Variants in ADGRF1 observed in about 807,000 individuals in gnomAD.
The protein encoded by ADGRF1 is adhesion G protein-coupled receptor F1, also known as G protein-coupled receptor 110.
ADGRF1 carries 85 observed loss-of-function variants against 87.2 expected under a neutral mutation model. The observed-to-expected ratio is 0.97, with a 90% confidence interval of 0.82 to 1.17. The LOEUF is 1.17. Among genes scored for constraint, ADGRF1 ranks in the 50% most tolerant of loss-of-function variants. The pLI, the probability that ADGRF1 is intolerant of heterozygous loss-of-function variation, is 0.00. For missense variants in ADGRF1, 1,169 were observed against 1,077.2 expected, an observed-to-expected ratio of 1.09 and a Z score of -1.19; for synonymous variants, 430 against 408.8, an observed-to-expected ratio of 1.05 and a Z score of -0.63.
chr6:47,018,006 G>A (rs1486959756), intron 7 of ADGRF1: 1 of 174,998 alleles, frequency 5.7e-6, no homozygotes, highest in Non-Finnish European at 1.2e-5. Context: ...TCTGCAAGTG[G>A]AAGGACAGCA....
chr6:47,019,850 T>A, intron 7 of ADGRF1: 1 of 984,948 alleles, frequency 1.0e-6, no homozygotes, highest in South Asian at 4.7e-5. Flanking sequence ...CATGGCTAAC[T>A]AAACAACTTT....
intron 9 of ADGRF1, 51 bp downstream of exon 9, chr6:47,014,629 GC>G (rs1243952170): frequency 3.8e-6 from 6 of 1,586,810 alleles, no homozygotes; most frequent in African/African-American, 2.7e-5. Flanking sequence ...CTGGGATATT[GC>G]CACTCTGAAA....
chr6:47,005,717 G>A (rs974894715), intron 13 of ADGRF1, 100 bp downstream of exon 13: 1 of 709,908 alleles, frequency 1.4e-6, no homozygotes, highest in Non-Finnish European at 2.4e-6. Context: ...AGAAATTCAA[G>A]GGGTTTACAC....
chr6:47,020,111 A>G, intron 7 of ADGRF1: 1 of 1,031,900 alleles, frequency 9.7e-7, no homozygotes, highest in Non-Finnish European at 1.2e-6. Flanking sequence ...TGTCACCATG[A>G]TCTCCTGCCT....
chr6:47,022,048 G>A lies in ADGRF1; in HGVS notation c.462C>T (p.Gly154=), dbSNP rs949986555. 3 of 1,555,810 alleles carry A rather than the reference G, an allele frequency of 1.9e-6. No homozygotes were observed. The highest frequency in any genetic ancestry group is 2.1e-5 in the Admixed American group (1 of 48,606). The change falls in exon 6 of 15, where the codon GGC becomes GGT. Residue 154 remains glycine, a synonymous_variant. Transcript: ENST00000371253. ...VNFCERTKIW[G]TFKINERFTN... is the part of the protein sequence containing the mutation. ...TAAACCTTTCATTAATTTTGAAAGT[G>A]CCCCAAATCTCTGTAGGAAATAAAA...
chr6:47,013,298 A>G (rs1478660842), intron 9 of ADGRF1: 2 of 985,386 alleles, frequency 2.0e-6, no homozygotes, highest in Non-Finnish European at 2.4e-6. Context: ...ACTATTGCTC[A>G]TGTCCAGAAT....
chr6:47,025,786 C>A, intron 4 of ADGRF1, 68 bp downstream of exon 4: 1 of 1,389,350 alleles, frequency 7.2e-7, no homozygotes, highest in South Asian at 1.5e-5. Context: ...CACAGCATAA[C>A]CCAACCTAGC....
intron 13 of ADGRF1, 197 bp from the exon 14 acceptor site, chr6:47,001,764 T>A: frequency 2.0e-6 from 1 of 502,014 alleles, no homozygotes; most frequent in South Asian, 2.4e-5. Context: ...AAAAATTTAT[T>A]TTCAAGTGAA....
intron 4 of ADGRF1, 92 bp downstream of exon 4, chr6:47,025,762 G>A: frequency 9.2e-7 from 1 of 1,092,798 alleles, no homozygotes; most frequent in South Asian, 1.7e-5. Flanking sequence ...AGAGATTGTA[G>A]GGATGATTGT....
intron 9 of ADGRF1, chr6:47,013,179 G>A (rs765972275): frequency 2.1e-4 from 205 of 985,338 alleles, no homozygotes; most frequent in Non-Finnish European, 2.4e-4. Flanking sequence ...TCAACATTAA[G>A]TCCACTCAGG....
In ADGRF1 at chr6:47,012,009, C is replaced by T; in HGVS notation, c.1114G>A (p.Glu372Lys). ...SHFRVSNSTM[E>K]DVISIADNIL... ...CTTCAAGCACAGGCAGACCATACCT[C>T]CATTGTTGAATTGGACACCCTGAAA... Residue 372 changes from glutamate (E) to lysine (K), a missense_variant and splice_region_variant, in exon 10 of 15, where the codon GAG becomes AAG. Glu to Lys is a moderately conservative substitution (Grantham distance 56). Coordinates refer to ENST00000371253, the MANE Select transcript of ADGRF1 (RefSeq NM_153840.4). 6.2e-7 allele frequency: 1 copy of T among 1,613,040 alleles called. No homozygotes were observed. Among genetic ancestry groups the T allele is most frequent in the Non-Finnish European group, 8.5e-7 (1 of 1,179,184 alleles).
chr6:47,008,803 A>T, intron 11 of ADGRF1, 142 bp downstream of exon 11: 4 of 700,382 alleles, frequency 5.7e-6, no homozygotes, highest in Non-Finnish European at 7.1e-6. Context: ...ATTTTTTTCT[A>T]TTTATTGTTT....
intron 9 of ADGRF1, chr6:47,013,533 T>G (rs1240397675): frequency 1.0e-6 from 1 of 985,394 alleles, no homozygotes; most frequent in East Asian, 1.1e-4. Flanking sequence ...ATCTGTGAAC[T>G]GGTCTTGGGG....
chr6:47,029,775 A>T (rs1470122107), intron 1 of ADGRF1, among the ~76,000 whole-genome samples: 1 of 152,206 alleles, frequency 6.6e-6, no homozygotes, highest in Non-Finnish European at 1.5e-5. Flanking sequence ...TTACAGTTAA[A>T]ATTAAATTAA....
At position 47,022,016 on chromosome 6, in the gene ADGRF1, T is replaced by A; in HGVS notation, c.494A>T (p.Asp165Val). The change falls in exon 6 of 15, where the codon GAC becomes GTC. Residue 165 changes from aspartate to valine, a missense_variant. Coordinates refer to ENST00000371253, the MANE Select transcript of ADGRF1 (RefSeq NM_153840.4). The part of the protein sequence containing the change: ...TFKINERFTN[D>V]LLNSSSAIYS... ...TATAGCAGAAGATGAATTCAAAAGG[T>A]CATTTGTAAACCTTTCATTAATTTT... The A allele has an allele frequency of 6.3e-7, 1 of 1,593,306 alleles. No homozygotes were observed. Among genetic ancestry groups the A allele is most frequent in the Non-Finnish European group, 8.5e-7 (1 of 1,172,630 alleles).
At chr6:47,018,392 C>T (rs559510397) in intron 7 of ADGRF1, 27 of 1,271,474 alleles carry the variant, frequency 2.1e-5, no homozygotes, top group East Asian at 1.1e-4. Context: ...TCGGAAGTTC[C>T]GCAGCTCAAA....
At position 47,023,063 on chromosome 6, in the gene ADGRF1, C is replaced by T. The variant is rs577437047; in HGVS notation, c.451+981G>A. The stretch of plus-strand genomic sequence containing the variant: ...CTCCTGAGCTCAAGCAATCAGCCCG[C>T]CTTAGGCTTCCAAATTGCTAGGATT... On this transcript the variant is annotated intron_variant, in intron 5 of 14. Coordinates refer to ENST00000371253, the MANE Select transcript of ADGRF1 (RefSeq NM_153840.4). Among the ~76,000 whole-genome samples the T allele has an allele frequency of 5.8e-4, 88 of 152,200 alleles. 3 individuals carry two copies. In the South Asian group the frequency reaches 0.018, roughly 31 times the overall value.
At position 47,009,722 on chromosome 6, in the gene ADGRF1, T is replaced by G; in HGVS notation, c.1713A>C (p.Ile571=). The change falls in exon 11 of 15, where the codon ATA becomes ATC. Residue 571 remains isoleucine, a synonymous_variant. Transcript: ENST00000371253. ...CQCTHLTSFS[I]LMSPFVPSTI... is the part of the protein sequence containing the mutation. Reference sequence around the variant, plus strand: ...TAGAGGGGACAAAAGGTGACATCAATATGGAGAAGGAGGTCAAGTGAGTAC... The same window carrying G: ...TAGAGGGGACAAAAGGTGACATCAAGATGGAGAAGGAGGTCAAGTGAGTAC... 1 of 1,614,012 alleles carries G rather than the reference T, an allele frequency of 6.2e-7. No homozygotes were observed. The highest frequency in any genetic ancestry group is 8.5e-7 in the Non-Finnish European group (1 of 1,180,002).
chr6:47,022,936 G>A (rs1780110685), intron 5 of ADGRF1, among the ~76,000 whole-genome samples: 1 of 151,012 alleles, frequency 6.6e-6, no homozygotes, highest in South Asian at 2.1e-4. Context: ...CCCCCAAGTA[G>A]CTGGTACTAC....
Sources: allele counts gnomAD v4.1 joint callset (sites outside exome capture counted in the v4.1 genomes callset), GRCh38; gene constraint gnomAD v4.1.1; transcripts MANE v1.5; gene names NCBI Gene and HGNC (gene_info 2026-07-23, HGNC 2026-07-21).